The following PHTF2 variants were observed in gnomAD, a reference collection of about 807,000 sequenced individuals.
PHTF2 encodes the protein putative homeodomain transcription factor 2.
A neutral mutation model predicts 101.2 loss-of-function variants in PHTF2; 60 were observed. That is an observed-to-expected ratio of 0.59 (90% confidence interval 0.48 to 0.73). The LOEUF is 0.73. Among genes scored for constraint, PHTF2 ranks in the 30% least tolerant of loss-of-function variants. PHTF2 has a pLI of 0.00. For synonymous variants in PHTF2, 311 were observed against 307.3 expected (o/e 1.01, Z -0.13); for missense variants, 747 against 908.7 (o/e 0.82, Z 2.29).
intron 5 of PHTF2, among the ~76,000 whole-genome samples, chr7:77,897,293 A>ATTTTTT (rs10687152): frequency 7.5e-6 from 1 of 133,718 alleles, no homozygotes; most frequent in Non-Finnish European, 1.6e-5. Context: ...AGCCCATTTC[A>ATTTTTT]TTTTTTTTTT....
At chr7:77,875,814 C>A (rs957235738) in intron 3 of PHTF2, among the ~76,000 whole-genome samples, 1 of 152,102 alleles carries the variant, frequency 6.6e-6, no homozygotes, top group East Asian at 1.9e-4. Context: ...GCCTCAGTCT[C>A]CCAAAGTGCT....
intron 1 of PHTF2, among the ~76,000 whole-genome samples, chr7:77,822,930 A>C (rs1306278893): frequency 7.5e-6 from 1 of 133,694 alleles, no homozygotes; most frequent in Non-Finnish European, 1.5e-5. Context: ...TTTGAGACGG[A>C]GTCTCGCTCT....
chr7:77,823,472 G>GCCTA (rs1279902087), intron 1 of PHTF2, among the ~76,000 whole-genome samples: 2 of 152,182 alleles, frequency 1.3e-5, no homozygotes, highest in African/African-American at 4.8e-5. Context: ...ACCCATCTTG[G>GCCTA]CCTACCAAAG....
chr7:77,813,347 A>C (rs1203777325), intron 1 of PHTF2, among the ~76,000 whole-genome samples: 2 of 152,206 alleles, frequency 1.3e-5, no homozygotes, highest in Non-Finnish European at 2.9e-5. Flanking sequence ...AGAGAACATA[A>C]TCAGCTGTGC....
chr7:77,859,493 T>C (rs569565117), intron 3 of PHTF2, among the ~76,000 whole-genome samples: 1 of 151,640 alleles, frequency 6.6e-6, no homozygotes, highest in Non-Finnish European at 1.5e-5. Context: ...CCTCTTTTTT[T>C]AAAAAAAATT....
chr7:77,854,802 C>T (rs1797045143), exon 3 of PHTF2: 2 of 756,952 alleles, frequency 2.6e-6, no homozygotes, highest in South Asian at 1.4e-5. Flanking sequence ...CCAGTGTTCA[C>T]TCAAGGACCA....
At chr7:77,851,097 G>A (rs1178922905) in intron 2 of PHTF2, among the ~76,000 whole-genome samples, 1 of 152,056 alleles carries the variant, frequency 6.6e-6, no homozygotes, top group Non-Finnish European at 1.5e-5. Flanking sequence ...TGTCTGGTTT[G>A]GGTATCAGAG....
At chr7:77,811,028 C>A (rs1311456533) in intron 1 of PHTF2, among the ~76,000 whole-genome samples, 1 of 152,158 alleles carries the variant, frequency 6.6e-6, no homozygotes, top group Admixed American at 6.5e-5. Context: ...CTCAGCCTCC[C>A]AAGTAGCTGG....
intron 3 of PHTF2, among the ~76,000 whole-genome samples, chr7:77,856,982 G>T (rs532295529): frequency 1.3e-5 from 2 of 152,162 alleles, no homozygotes; most frequent in African/African-American, 4.8e-5. Context: ...TGACAAATTA[G>T]AGTATCTTTC....
intron 1 of PHTF2, among the ~76,000 whole-genome samples, chr7:77,817,171 T>TAAATTTGGTAGGAATG (rs1793915228): frequency 6.6e-6 from 1 of 152,216 alleles, no homozygotes; most frequent in Non-Finnish European, 1.5e-5. Flanking sequence ...CTGTACTAGT[T>TAAATTTGGTAGGAATG]TACATTCCTA....
At chr7:77,949,769 T>C in exon 17 of PHTF2, 1 of 1,546,164 alleles carries the variant, frequency 6.5e-7, no homozygotes, top group South Asian at 1.2e-5. Flanking sequence ...CTCCTAAGAT[T>C]TGTTACCCTT....
chr7:77,947,525 T>C (rs1806155609), intron 16 of PHTF2, among the ~76,000 whole-genome samples: 1 of 151,682 alleles, frequency 6.6e-6, no homozygotes, highest in South Asian at 2.1e-4. Flanking sequence ...ATAACGCCAC[T>C]GCACTCCAGC....
At position 77,857,682 on chromosome 7, in the gene PHTF2, G is replaced by C. The variant is rs556971000; in HGVS notation, c.147+2848G>C. Among the ~76,000 whole-genome samples the C allele has an allele frequency of 2.6e-3, 398 of 152,304 alleles. 1 individual carries two copies. The highest frequency in any genetic ancestry group is 8.3e-3 in the African/African-American group (343 of 41,554). Reference sequence around the variant, plus strand: ...CCACCATATGAGGCAGTGTATCTTAGTAGTTAACAAGAACACAGGTTTTGG... The same window carrying C: ...CCACCATATGAGGCAGTGTATCTTACTAGTTAACAAGAACACAGGTTTTGG... On this transcript the variant is annotated intron_variant, in intron 3 of 19. Coordinates refer to ENST00000416283, the Ensembl canonical transcript of PHTF2.
chr7:77,873,816 C>CT (rs1190819430), intron 3 of PHTF2, among the ~76,000 whole-genome samples: 1 of 152,240 alleles, frequency 6.6e-6, no homozygotes, highest in Non-Finnish European at 1.5e-5. Context: ...AATGCCCTCA[C>CT]TTTAACAGTA....
intron 1 of PHTF2, among the ~76,000 whole-genome samples, chr7:77,801,701 CAT>C (rs1792567539): frequency 6.6e-6 from 1 of 152,170 alleles, no homozygotes; most frequent in Non-Finnish European, 1.5e-5. Context: ...GTAAATGAAA[CAT>C]AAATGAATTT....
intron 1 of PHTF2, among the ~76,000 whole-genome samples, chr7:77,805,380 G>A (rs1371742634): frequency 1.3e-5 from 2 of 151,918 alleles, no homozygotes; most frequent in Non-Finnish European, 2.9e-5. Flanking sequence ...CGTTTTCTAT[G>A]TTGATTTTCT....
At chr7:77,847,896 C>T (rs1201710451) in intron 2 of PHTF2, among the ~76,000 whole-genome samples, 1 of 152,158 alleles carries the variant, frequency 6.6e-6, no homozygotes, top group African/African-American at 2.4e-5. Context: ...TCACTCTACT[C>T]TACATTTTCA....
chr7:77,933,752 G>A (rs537216015), intron 12 of PHTF2, among the ~76,000 whole-genome samples: 6 of 146,498 alleles, frequency 4.1e-5, no homozygotes, highest in African/African-American at 1.5e-4. Context: ...ATCACACAGC[G>A]TGAGGTACAC....
At position 77,799,105 on chromosome 7, in the gene PHTF2, C is replaced by T. The variant is rs1404035848; in HGVS notation, c.-36+134C>T. 3 of 152,332 alleles carry T rather than the reference C, an allele frequency of 2.0e-5. No individual in the cohort carries two copies. The East Asian group carries it at 5.8e-4, about 29-fold the overall frequency. 9.4% of individuals were successfully genotyped at this position (152,332 alleles called of 1,614,324 possible). On this transcript the variant is annotated intron_variant, in intron 1 of 19. Coordinates refer to ENST00000416283, the Ensembl canonical transcript of PHTF2. The stretch of plus-strand genomic sequence containing the variant: ...GGAGGTGGGGGCTCCGGGGCCAACG[C>T]GTCGCCCTCCGTCGCCGGCGACTTT...
Sources: allele counts gnomAD v4.1 joint callset (sites outside exome capture counted in the v4.1 genomes callset), GRCh38; gene constraint gnomAD v4.1.1; transcripts MANE v1.5; gene names NCBI Gene and HGNC (gene_info 2026-07-23, HGNC 2026-07-21).